Variants in FUT8 observed in about 807,000 individuals in gnomAD.
FUT8 encodes the protein fucosyltransferase 8, also known as alpha-(1,6)-fucosyltransferase.
A neutral mutation model predicts 71.3 loss-of-function variants in FUT8; 29 were observed. That is an observed-to-expected ratio of 0.41 (90% CI 0.30 to 0.55). The LOEUF is 0.55. Ranked by LOEUF, FUT8 falls within the 20% of genes least tolerant of loss-of-function variation. The pLI is 0.34. For missense variants in FUT8, 544 were observed against 702.1 expected (o/e 0.77, Z 2.55); for synonymous variants, 254 against 239.3 (o/e 1.06, Z -0.57).
At chr14:65,655,475 CAAAA>C (rs575608113) in intron 6 of FUT8, among the ~76,000 whole-genome samples, 1 of 49,680 alleles carries the variant, frequency 2.0e-5, no homozygotes, top group Non-Finnish European at 4.4e-5. Context: ...GACTCCGTCT[CAAAA>C]AAAAAAAAAA....
Position 65,693,289 on chromosome 14 carries a change from G to A in FUT8, c.835+23809G>A, listed in dbSNP as rs1252297815. 4.6e-5 allele frequency among the ~76,000 whole-genome samples: 7 copies of A among 152,366 alleles called. No homozygotes were observed. The East Asian group carries it at 5.8e-4, about 13-fold the overall frequency. The stretch of plus-strand genomic sequence containing the variant: ...GGAGGCCGAGGCTGGCGGATCACTC[G>A]CGGTTAGGAGCTGGAGACCAGCCCA... On this transcript the variant is annotated intron_variant, in intron 7 of 10. Coordinates refer to ENST00000673929, the MANE Select transcript of FUT8 (RefSeq NM_001371533.1).
chr14:65,598,227 A>T (rs956591167), intron 3 of FUT8, among the ~76,000 whole-genome samples: 24 of 150,678 alleles, frequency 1.6e-4, no homozygotes, highest in East Asian at 7.8e-4. Context: ...CTAAAAAAAA[A>T]TTTTTTTTTT....
intron 2 of FUT8, among the ~76,000 whole-genome samples, chr14:65,542,014 T>G (rs1320771836): frequency 6.6e-6 from 1 of 152,204 alleles, no homozygotes; most frequent in African/African-American, 2.4e-5. Context: ...GGAAGTTATT[T>G]AAATTCAGCG....
At chr14:65,408,272 T>A (rs572880249), upstream of FUT8, among the ~76,000 whole-genome samples, 1 of 152,248 alleles carries the variant, frequency 6.6e-6, no homozygotes, top group African/African-American at 2.4e-5. Flanking sequence ...GAGTAAACAC[T>A]GTAAGGACTT....
chr14:65,528,498 A>T (rs1288415522), intron 2 of FUT8, among the ~76,000 whole-genome samples: 2 of 152,202 alleles, frequency 1.3e-5, no homozygotes, highest in African/African-American at 4.8e-5. Context: ...TGAGCTTCCC[A>T]GGTGAAGCGA....
At chr14:65,581,502 T>A (rs1887085971) in intron 3 of FUT8, among the ~76,000 whole-genome samples, 1 of 152,142 alleles carries the variant, frequency 6.6e-6, no homozygotes, top group Non-Finnish European at 1.5e-5. Context: ...CTTCTATTTA[T>A]TCATTTTAGG....
At chr14:65,431,513 A>G (rs1469868545) in intron 1 of FUT8, among the ~76,000 whole-genome samples, 1 of 151,360 alleles carries the variant, frequency 6.6e-6, no homozygotes, top group Non-Finnish European at 1.5e-5. Context: ...GGGTTTTGCC[A>G]CATTGCCTGG....
At chr14:65,503,178 C>T (rs2066674343) in intron 2 of FUT8, among the ~76,000 whole-genome samples, 1 of 152,162 alleles carries the variant, frequency 6.6e-6, no homozygotes, top group Admixed American at 6.5e-5. Context: ...TAATATAATG[C>T]TGCCCTGAAT....
intron 1 of FUT8, among the ~76,000 whole-genome samples, chr14:65,439,952 G>GTATATATATATA (rs1425130774): frequency 3.9e-4 from 15 of 38,216 alleles, no homozygotes; most frequent in East Asian, 1.4e-3. Flanking sequence ...GTGTGTGTGT[G>GTATATATATATA]TGTATATATA....
intron 7 of FUT8, among the ~76,000 whole-genome samples, chr14:65,707,817 C>G (rs531150111): frequency 2.6e-5 from 4 of 152,196 alleles, no homozygotes; most frequent in South Asian, 4.1e-4. Flanking sequence ...CAGTTCTGTT[C>G]CATTGGTCGA....
At chr14:65,524,923 C>T (rs1051998107) in intron 2 of FUT8, among the ~76,000 whole-genome samples, 20 of 152,148 alleles carry the variant, frequency 1.3e-4, no homozygotes, top group Non-Finnish European at 2.8e-4. Flanking sequence ...AGGGATGAAG[C>T]CCACTTGATC....
Position 65,654,897 on chromosome 14 carries a change from T to TTTTTTG in FUT8, c.598-14327_598-14322dup, listed in dbSNP as rs531982088. Among the ~76,000 whole-genome samples the TTTTTTG allele has an allele frequency of 9.1e-3, 1,376 of 151,766 alleles. 16 individuals are homozygous for TTTTTTG. Among genetic ancestry groups the TTTTTTG allele is most frequent in the African/African-American group, 0.029 (1,201 of 41,360 alleles). On this transcript the variant is annotated intron_variant, in intron 6 of 10. Transcript: ENST00000673929. ...AGGACAAAGACTGGCAGAATGGTGT[T>TTTTTTG]TTTTTGTTTTTGTTTTTGTTTTTGA...
At position 65,472,660 on chromosome 14, in the gene FUT8, A is replaced by G. The variant is rs2139641535; in HGVS notation, c.-228+16942A>G. Among the ~76,000 whole-genome samples, 1 of 152,222 alleles carries G rather than the reference A, an allele frequency of 6.6e-6. No homozygotes were observed. The highest frequency in any genetic ancestry group is 2.4e-5 in the African/African-American group (1 of 41,552). ...TCTGATAAGTATACTGATGATGCTG[A>G]GGATGGTTATTAAAGCCCTATGCTG... On this transcript the variant is annotated intron_variant, in intron 2 of 10. Transcript: ENST00000673929. This position sits in a 1 kb window ranked among gnomAD's most constrained non-coding sequence, Gnocchi z 4.4.
chr14:65,562,059 A>G (rs1275958986), intron 3 of FUT8, among the ~76,000 whole-genome samples: 1 of 152,022 alleles, frequency 6.6e-6, no homozygotes, highest in East Asian at 1.9e-4. Context: ...CTCATCAGCT[A>G]TCATTAGTGT....
At chr14:65,670,406 T>C (rs961121859) in intron 7 of FUT8, among the ~76,000 whole-genome samples, 1 of 152,186 alleles carries the variant, frequency 6.6e-6, no homozygotes, top group Non-Finnish European at 1.5e-5. Flanking sequence ...CACTTAGTAC[T>C]GATATATGAA....
chr14:65,450,025 T>G (rs1236927249), intron 1 of FUT8, among the ~76,000 whole-genome samples: 1 of 152,238 alleles, frequency 6.6e-6, no homozygotes, highest in African/African-American at 2.4e-5. Flanking sequence ...TTAAACATGT[T>G]TTCCCATGAC....
chr14:65,593,028 A>G (rs1184056245), intron 3 of FUT8, among the ~76,000 whole-genome samples: 1 of 152,164 alleles, frequency 6.6e-6, no homozygotes, highest in Non-Finnish European at 1.5e-5. Flanking sequence ...CATGTAATGT[A>G]TCCAGTTTAA....
At chr14:65,411,548 G>A (rs2065123468), upstream of FUT8, 2 of 170,200 alleles carry the variant, frequency 1.2e-5, no homozygotes, top group African/African-American at 2.4e-5. Context: ...TTGCAACCTT[G>A]ACAGGCCACT....
intron 2 of FUT8, among the ~76,000 whole-genome samples, chr14:65,480,909 C>A (rs985260093): frequency 6.6e-6 from 1 of 151,944 alleles, no homozygotes; most frequent in Non-Finnish European, 1.5e-5. Context: ...AGGCTGGTCT[C>A]GAACTGCTAA....
Sources: allele counts gnomAD v4.1 joint callset (sites outside exome capture counted in the v4.1 genomes callset), GRCh38; gene constraint gnomAD v4.1.1; non-coding constraint Gnocchi (gnomAD v3.1); transcripts MANE v1.5; gene names NCBI Gene and HGNC (gene_info 2026-07-23, HGNC 2026-07-21).